The following ROBO2 variants were observed in gnomAD, a reference collection of about 807,000 sequenced individuals.
ROBO2 encodes roundabout homolog 2.
Under a neutral mutation model 160.8 loss-of-function variants are expected in ROBO2, and 53 were observed. The observed-to-expected ratio is 0.33, with a 90% CI of 0.26 to 0.41. ROBO2 has a LOEUF of 0.41. Among genes scored for constraint, ROBO2 ranks in the 10% least tolerant of loss-of-function variants. The pLI is 1.00. For missense variants in ROBO2, 1,577 were observed against 1,722.4 expected, an observed-to-expected ratio of 0.92 and a Z score of 1.49; for synonymous variants, 664 against 611.7, an observed-to-expected ratio of 1.09 and a Z score of -1.26.
chr3:76,042,204 A>T (rs1297045527), intron 2 of ROBO2, among the ~76,000 whole-genome samples: 1 of 152,026 alleles, frequency 6.6e-6, no homozygotes, highest in Admixed American at 6.5e-5. Context: ...CTAATACCTG[A>T]TTAGTACATT....
chr3:76,862,606 C>G (rs913693934), intron 2 of ROBO2, among the ~76,000 whole-genome samples: 3 of 151,976 alleles, frequency 2.0e-5, no homozygotes, highest in Non-Finnish European at 4.4e-5. Flanking sequence ...CTCTGTGTCC[C>G]TGTGTCTTCA....
intron 2 of ROBO2, among the ~76,000 whole-genome samples, chr3:76,935,206 G>C (rs774699768): frequency 3.3e-5 from 5 of 152,060 alleles, no homozygotes; most frequent in Non-Finnish European, 7.4e-5. Flanking sequence ...ACCCACCTCT[G>C]CCTCCCTAAT....
chr3:77,512,193 T>C (rs1179918334), intron 5 of ROBO2, among the ~76,000 whole-genome samples: 1 of 151,948 alleles, frequency 6.6e-6, no homozygotes, highest in Non-Finnish European at 1.5e-5. Flanking sequence ...GAATACACCT[T>C]AAATATTGAA....
chr3:76,965,367 A>G (rs1425063040), intron 2 of ROBO2, among the ~76,000 whole-genome samples: 1 of 152,226 alleles, frequency 6.6e-6, no homozygotes, highest in Non-Finnish European at 1.5e-5. Context: ...GGAAATTGGT[A>G]GTCTCTGCCT....
chr3:77,252,071 C>A (rs2090413143), intron 2 of ROBO2, among the ~76,000 whole-genome samples: 1 of 152,146 alleles, frequency 6.6e-6, no homozygotes, highest in African/African-American at 2.4e-5. Context: ...TCAAAAGAAG[C>A]CATGTAGCAC....
chr3:76,556,275 AC>A (rs1217725178), intron 2 of ROBO2, among the ~76,000 whole-genome samples: 1 of 152,188 alleles, frequency 6.6e-6, no homozygotes, highest in East Asian at 1.9e-4. Flanking sequence ...TATGTTTTCC[AC>A]CTTAGGCATG....
intron 2 of ROBO2, among the ~76,000 whole-genome samples, chr3:76,630,816 C>G (rs1314472547): frequency 2.0e-5 from 3 of 152,120 alleles, no homozygotes; most frequent in Non-Finnish European, 2.9e-5. Context: ...CTAAATCTAC[C>G]TCTCTATTAT....
intron 2 of ROBO2, among the ~76,000 whole-genome samples, chr3:77,167,247 A>G (rs1051967009): frequency 7.2e-5 from 11 of 152,200 alleles, no homozygotes; most frequent in Non-Finnish European, 1.2e-4. Flanking sequence ...CTACCATGGA[A>G]TGGAAAATTA....
intron 2 of ROBO2, among the ~76,000 whole-genome samples, chr3:77,319,592 A>G (rs941060931): frequency 1.3e-4 from 20 of 152,234 alleles, no homozygotes; most frequent in Non-Finnish European, 2.9e-5. Flanking sequence ...GACAGCTTCA[A>G]TTGAAGCCTC....
chr3:77,040,502 A>G lies in ROBO2; in HGVS notation c.-284A>G, dbSNP rs755282401. ...GAGAGAGGGTTAGACACACTCGAATAATCCCTCTGGCTGGGCTGAATTTGT... is the reference window on the plus strand; with the variant it reads ...GAGAGAGGGTTAGACACACTCGAATGATCCCTCTGGCTGGGCTGAATTTGT... On this transcript the variant is annotated 5_prime_UTR_variant, in exon 1 of 26. The change creates a new upstream start codon in the 5' untranslated region. Transcript: ENST00000461745. 66 of 1,320,450 alleles carry G rather than the reference A, an allele frequency of 5.0e-5. 1 individual carries two copies. Among genetic ancestry groups the G allele is most frequent in the Non-Finnish European group, 6.2e-5 (64 of 1,031,648 alleles). 81.8% of individuals were successfully genotyped at this position (1,320,450 alleles called of 1,614,324 possible). A position where few individuals can be genotyped will look rare whatever the true frequency, so the allele number is the denominator to read the frequency against.
intron 2 of ROBO2, among the ~76,000 whole-genome samples, chr3:76,154,634 C>T (rs2106872307): frequency 6.6e-6 from 1 of 152,180 alleles, no homozygotes; most frequent in Non-Finnish European, 1.5e-5. Flanking sequence ...TATTTGATTA[C>T]ATTTTTTCAA....
chr3:76,161,295 T>C (rs2072625600), intron 2 of ROBO2, among the ~76,000 whole-genome samples: 1 of 152,166 alleles, frequency 6.6e-6, no homozygotes, highest in African/African-American at 2.4e-5. Context: ...AAAGAACAAC[T>C]CTTTATAAAT....
At chr3:77,534,788 C>A (rs1213511637) in intron 6 of ROBO2, among the ~76,000 whole-genome samples, 1 of 152,164 alleles carries the variant, frequency 6.6e-6, no homozygotes, top group Admixed American at 6.5e-5. Context: ...ATCTCCCCTA[C>A]AAAACTGTTA....
At chr3:75,968,624 T>G (rs2064884228) in intron 2 of ROBO2, among the ~76,000 whole-genome samples, 1 of 151,600 alleles carries the variant, frequency 6.6e-6, no homozygotes, top group Non-Finnish European at 1.5e-5. Flanking sequence ...TTAGAAAATT[T>G]TCAGTACAGA....
intron 2 of ROBO2, among the ~76,000 whole-genome samples, chr3:77,415,007 G>A (rs2077096968): frequency 6.6e-6 from 1 of 152,164 alleles, no homozygotes; most frequent in African/African-American, 2.4e-5. Context: ...CTGGTGGAAT[G>A]AGCCCTAAGA....
At chr3:77,175,944 T>A (rs907233454) in intron 2 of ROBO2, among the ~76,000 whole-genome samples, 1 of 152,000 alleles carries the variant, frequency 6.6e-6, no homozygotes, top group East Asian at 1.9e-4. Context: ...TTTGGAAGTA[T>A]CTAGCCAAAG....
At chr3:77,524,599 T>C (rs886488944) in intron 6 of ROBO2, among the ~76,000 whole-genome samples, 4 of 151,406 alleles carry the variant, frequency 2.6e-5, no homozygotes, top group Non-Finnish European at 3.0e-5. Flanking sequence ...GGGTTTCTTT[T>C]ATACTTGAAT....
chr3:76,803,852 A>T (rs1229120174), intron 2 of ROBO2, among the ~76,000 whole-genome samples: 1 of 152,202 alleles, frequency 6.6e-6, no homozygotes, highest in Non-Finnish European at 1.5e-5. Flanking sequence ...AATCACTTCT[A>T]GCTAAGTCAT....
intron 2 of ROBO2, among the ~76,000 whole-genome samples, chr3:76,419,541 C>T (rs1227179692): frequency 4.0e-5 from 6 of 151,894 alleles, no homozygotes; most frequent in African/African-American, 1.5e-4. Flanking sequence ...TCAAGATCTT[C>T]TAAATGAACT....
Sources: gnomAD v4.1 joint callset for allele counts (sites outside exome capture counted in the v4.1 genomes callset) on GRCh38, gnomAD v4.1.1 for gene constraint, MANE v1.5 for transcripts, NCBI Gene and HGNC (gene_info 2026-07-23, HGNC 2026-07-21) for gene names.